Variants in PACRG observed in about 807,000 individuals in gnomAD.
PACRG encodes the protein parkin coregulated.
PACRG carries 29 observed loss-of-function variants against 29.7 expected under a neutral mutation model. The ratio of observed to expected loss-of-function variants is 0.98; its 90% confidence interval spans 0.73 to 1.33. PACRG has a LOEUF of 1.33. Ranked by LOEUF, PACRG falls within the 40% of genes most tolerant of loss-of-function variation. The probability of loss-of-function intolerance (pLI) is 0.00; values close to 1 mark genes in which losing one functional copy is unlikely to be tolerated. For missense variants in PACRG, 279 were observed against 316.2 expected (o/e 0.88, Z 0.89); for synonymous variants, 116 against 118.7 (o/e 0.98, Z 0.15).
intron 2 of PACRG, among the ~76,000 whole-genome samples, chr6:163,044,359 G>A (rs1809093609): frequency 6.6e-6 from 1 of 152,000 alleles, no homozygotes; most frequent in Admixed American, 6.6e-5. Flanking sequence ...TGTAGAGAAG[G>A]GTTCTCCCTG....
At chr6:163,174,619 G>A (rs558228362) in intron 4 of PACRG, among the ~76,000 whole-genome samples, 2 of 152,256 alleles carry the variant, frequency 1.3e-5, no homozygotes, top group East Asian at 1.9e-4. Flanking sequence ...AAGGACCATC[G>A]CAGGAGAATC....
chr6:162,814,219 G>A lies in PACRG; in HGVS notation c.229G>A (p.Glu77Lys). 6.2e-7 allele frequency: 1 copy of A among 1,613,848 alleles called. No individual in the cohort carries two copies. The change falls in exon 2 of 5, where the codon GAG (glutamate) becomes AAG (lysine). Residue 77 changes from glutamate (E) to lysine (K), a missense_variant. Physicochemically the swap from Glu to Lys is moderately conservative, Grantham distance 56 (BLOSUM62 1). Transcript: ENST00000366888. ...TKPTAFRKFYERGDFPIALEH... is the reference protein window; with the variant it reads ...TKPTAFRKFYKRGDFPIALEH... The stretch of plus-strand genomic sequence containing the variant: ...GCCCACAGCATTTCGAAAATTCTAT[G>A]AGCGAGGTGACTTCCCAATTGCCCT...
At position 163,019,254 on chromosome 6, in the gene PACRG, G is replaced by A. The variant is rs540787569; in HGVS notation, c.292-42896G>A. Among the ~76,000 whole-genome samples, 5 of 152,222 alleles carry A rather than the reference G, an allele frequency of 3.3e-5. No homozygotes were observed. The South Asian group carries it at 8.3e-4, about 25-fold the overall frequency. On this transcript the variant is annotated intron_variant, in intron 2 of 4. Coordinates refer to ENST00000366888, the MANE Select transcript of PACRG (RefSeq NM_001080379.2). ...TTCTATCTGCCTACTCTTTTAGAAG[G>A]GAGGATTGGTCAAGATAACTTTTCT...
intron 4 of PACRG, among the ~76,000 whole-genome samples, chr6:163,123,103 C>G (rs1330759339): frequency 6.6e-6 from 1 of 152,198 alleles, no homozygotes; most frequent in African/African-American, 2.4e-5. Context: ...AGAAAAACCC[C>G]GTGTGCCCAG....
At position 163,089,279 on chromosome 6, in the gene PACRG, C is replaced by T. The variant is rs369094995; in HGVS notation, c.484C>T (p.Arg162Ter). The T allele has an allele frequency of 4.7e-5, 76 of 1,613,700 alleles. No homozygotes were observed. Among genetic ancestry groups the T allele is most frequent in the Non-Finnish European group, 5.6e-5 (66 of 1,179,910 alleles). Residue 162 changes from arginine to a stop codon, truncating the protein, a stop_gained, in exon 4 of 5, where the codon CGA (arginine) becomes TGA (stop). Transcript: ENST00000366888. LOFTEE classifies it high-confidence loss of function. ...PIKNALNLRN[R>*]QVICVTLKVL... The stretch of plus-strand genomic sequence containing the variant: ...TATAGATGCCTTGAACCTCCGAAAC[C>T]GACAGGTCATCTGTGTCACTCTCAA...
At chr6:163,297,725 A>C (rs886330965) in intron 4 of PACRG, among the ~76,000 whole-genome samples, 1 of 152,168 alleles carries the variant, frequency 6.6e-6, no homozygotes, top group Non-Finnish European at 1.5e-5. Flanking sequence ...ATTGAGACTT[A>C]ATCCAACTTA....
chr6:163,101,455 C>T, intron 4 of PACRG: 1 of 915,142 alleles, frequency 1.1e-6, no homozygotes, highest in South Asian at 5.0e-5. Flanking sequence ...ATATGATAAA[C>T]AATCACCTAA....
chr6:162,951,049 C>T (rs958972418), intron 2 of PACRG, among the ~76,000 whole-genome samples: 2 of 152,158 alleles, frequency 1.3e-5, no homozygotes, highest in African/African-American at 2.4e-5. Context: ...GTATGTAACA[C>T]AGATGGTTTG....
At chr6:163,036,684 T>C (rs1214637284) in intron 2 of PACRG, among the ~76,000 whole-genome samples, 1 of 152,244 alleles carries the variant, frequency 6.6e-6, no homozygotes, top group African/African-American at 2.4e-5. Flanking sequence ...TTATCCCAGA[T>C]GACTAAAGCC....
chr6:162,755,498 C>T (rs1005113610), intron 1 of PACRG, among the ~76,000 whole-genome samples: 1 of 152,012 alleles, frequency 6.6e-6, no homozygotes, highest in Non-Finnish European at 1.5e-5. Flanking sequence ...TGCAGTGGTG[C>T]AATCTCGGCT....
At chr6:163,131,079 G>A (rs535336446) in intron 4 of PACRG, among the ~76,000 whole-genome samples, 10 of 152,214 alleles carry the variant, frequency 6.6e-5, no homozygotes, top group Admixed American at 2.6e-4. Flanking sequence ...AGGCCGAGGC[G>A]GGTGGATCAC....
chr6:163,198,372 T>A (rs76613303), intron 4 of PACRG, among the ~76,000 whole-genome samples: 5,780 of 152,300 alleles, frequency 0.038, 325 homozygotes, highest in African/African-American at 0.13. Flanking sequence ...GATTGTGAGA[T>A]AAATGAGGAA....
intron 4 of PACRG, among the ~76,000 whole-genome samples, chr6:163,137,591 G>A (rs1020705775): frequency 1.3e-5 from 2 of 152,026 alleles, no homozygotes; most frequent in Non-Finnish European, 2.9e-5. Flanking sequence ...CGAGAACACC[G>A]TCAGTACTCC....
At chr6:163,244,331 A>T (rs1782614908) in intron 4 of PACRG, among the ~76,000 whole-genome samples, 1 of 151,960 alleles carries the variant, frequency 6.6e-6, no homozygotes, top group Non-Finnish European at 1.5e-5. Flanking sequence ...TTCATCGAGG[A>T]TCTGTGCTTG....
rs1479250145 is a variant in PACRG at position 162,833,129 on chromosome 6, T to A, written c.291+18848T>A. ...TATCAACTAATAATGAGGTGAGTTA[T>A]GAAAAATAATAATTTGTCATAATTT... On this transcript the variant is annotated intron_variant, in intron 2 of 4. Coordinates refer to ENST00000366888, the MANE Select transcript of PACRG (RefSeq NM_001080379.2). 2.6e-5 allele frequency among the ~76,000 whole-genome samples: 4 copies of A among 152,272 alleles called. No individual in the cohort carries two copies. The South Asian group carries it at 8.3e-4, about 32-fold the overall frequency.
chr6:162,947,075 A>G (rs1466899965), intron 2 of PACRG, among the ~76,000 whole-genome samples: 2 of 151,190 alleles, frequency 1.3e-5, no homozygotes, highest in Non-Finnish European at 3.0e-5. Context: ...CAAGGATACC[A>G]CTCTCACCAC....
chr6:163,203,182 G>T (rs1208161059), intron 4 of PACRG, among the ~76,000 whole-genome samples: 1 of 152,128 alleles, frequency 6.6e-6, no homozygotes, highest in Non-Finnish European at 1.5e-5. Context: ...AGAGGTTGAG[G>T]CAGGCAGATC....
intron 4 of PACRG, among the ~76,000 whole-genome samples, chr6:163,148,298 A>G (rs1199770091): frequency 6.6e-6 from 1 of 152,176 alleles, no homozygotes; most frequent in East Asian, 1.9e-4. Context: ...TCTGGTATGT[A>G]TTATGCACTG....
intron 4 of PACRG, among the ~76,000 whole-genome samples, chr6:163,292,331 A>G (rs1336411916): frequency 6.6e-6 from 1 of 152,220 alleles, no homozygotes; most frequent in Non-Finnish European, 1.5e-5. Flanking sequence ...CCACATTTGC[A>G]CTAAAATGAA....
Sources: gnomAD v4.1 joint callset for allele counts (sites outside exome capture counted in the v4.1 genomes callset) on GRCh38, gnomAD v4.1.1 for gene constraint, MANE v1.5 for transcripts, NCBI Gene and HGNC (gene_info 2026-07-23, HGNC 2026-07-21) for gene names.